The following CADPS2 variants were observed in gnomAD, a reference collection of about 807,000 sequenced individuals.
The protein encoded by CADPS2 is calcium dependent secretion activator 2, also known as calcium-dependent secretion activator 2.
In CADPS2, 93 loss-of-function variants were observed where a neutral mutation model predicts 172.5. The ratio of observed to expected loss-of-function variants is 0.54; its 90% confidence interval spans 0.46 to 0.64. CADPS2 has a LOEUF of 0.64. Ranked by LOEUF, CADPS2 falls within the 30% of genes least tolerant of loss-of-function variation. The pLI is 0.00. For synonymous variants in CADPS2, 546 were observed against 555.2 expected, an observed-to-expected ratio of 0.98 and a Z score of 0.23; for missense variants, 1,420 against 1,565.9, an observed-to-expected ratio of 0.91 and a Z score of 1.57.
intron 19 of CADPS2, among the ~76,000 whole-genome samples, chr7:122,409,373 G>C (rs952784276): frequency 5.3e-5 from 8 of 152,088 alleles, no homozygotes; most frequent in African/African-American, 1.7e-4. Flanking sequence ...GTTAGTTCAG[G>C]TTGTTTCAGG....
intron 8 of CADPS2, among the ~76,000 whole-genome samples, chr7:122,549,073 A>G (rs561651558): frequency 1.3e-5 from 2 of 152,276 alleles, no homozygotes; most frequent in South Asian, 4.1e-4. Flanking sequence ...TTTCTTTTGA[A>G]TAAAGTCAAA....
intron 6 of CADPS2, among the ~76,000 whole-genome samples, chr7:122,610,860 C>T (rs140241486): frequency 1.0e-3 from 152 of 152,222 alleles, no homozygotes; most frequent in African/African-American, 3.1e-3. Context: ...TAGTGTTCTT[C>T]CAATGGGTTT....
At chr7:122,522,364 C>A (rs1053040997) in intron 8 of CADPS2, among the ~76,000 whole-genome samples, 1 of 152,070 alleles carries the variant, frequency 6.6e-6, no homozygotes, top group African/African-American at 2.4e-5. Flanking sequence ...ATCTGCCCAC[C>A]TCAGCCTCCC....
chr7:122,480,727 A>C, intron 12 of CADPS2, 125 bp downstream of exon 12: 1 of 613,652 alleles, frequency 1.6e-6, no homozygotes, highest in Admixed American at 3.6e-5. Flanking sequence ...AGCTAACTTA[A>C]ATATTCTGGG....
At chr7:122,598,177 T>C (rs2072168604) in intron 6 of CADPS2, among the ~76,000 whole-genome samples, 1 of 152,054 alleles carries the variant, frequency 6.6e-6, no homozygotes, top group Non-Finnish European at 1.5e-5. Context: ...AAATTTTTAA[T>C]TGAAAAGAAG....
chr7:122,775,020 G>A (rs927456647), intron 1 of CADPS2, among the ~76,000 whole-genome samples: 3 of 151,858 alleles, frequency 2.0e-5, no homozygotes, highest in Admixed American at 1.3e-4. Flanking sequence ...TCAACTATGT[G>A]TGTTTTTTTT....
intron 6 of CADPS2, 27 bp downstream of exon 6, chr7:122,615,154 A>C (rs747365926): frequency 7.4e-7 from 1 of 1,359,722 alleles, no homozygotes; most frequent in Non-Finnish European, 1.0e-6. Context: ...AACAACAACA[A>C]TAATACACTT....
At chr7:122,480,148 GCTCA>G (rs779859248) in intron 12 of CADPS2, 2 of 470,294 alleles carry the variant, frequency 4.3e-6, no homozygotes, top group South Asian at 3.1e-5. Context: ...CACCCCTTCA[GCTCA>G]CTCTCTTCCC....
chr7:122,645,528 G>GTATATATATACTTATATATATAAGTA (rs2078396992), intron 3 of CADPS2, among the ~76,000 whole-genome samples: 1 of 109,562 alleles, frequency 9.1e-6, no homozygotes, highest in African/African-American at 3.7e-5. Flanking sequence ...ATATATATAA[G>GTATATATATACTTATATATATAAGTA]TATATATATA....
intron 6 of CADPS2, among the ~76,000 whole-genome samples, chr7:122,601,490 T>C (rs964530744): frequency 1.1e-4 from 16 of 152,038 alleles, no homozygotes; most frequent in African/African-American, 3.9e-4. Context: ...TTCATTTTTA[T>C]TTTTTAGCCA....
chr7:122,698,737 ACT>A, intron 2 of CADPS2: 1 of 1,613,440 alleles, frequency 6.2e-7, no homozygotes, highest in Non-Finnish European at 8.5e-7. Flanking sequence ...TCTTCCAAAG[ACT>A]CCAGTCTCTC....
intron 1 of CADPS2, among the ~76,000 whole-genome samples, chr7:122,852,523 A>T (rs1413180609): frequency 2.0e-5 from 3 of 152,192 alleles, no homozygotes; most frequent in Non-Finnish European, 4.4e-5. Context: ...AACTTTAAAT[A>T]GGGAGGCCAG....
intron 8 of CADPS2, among the ~76,000 whole-genome samples, chr7:122,518,867 G>A (rs970597904): frequency 2.0e-5 from 3 of 152,052 alleles, no homozygotes; most frequent in Admixed American, 6.6e-5. Context: ...TTTTTTTCAC[G>A]TGATTTTAAA....
At chr7:122,839,366 T>C in intron 1 of CADPS2, among the ~76,000 whole-genome samples, 1 of 152,104 alleles carries the variant, frequency 6.6e-6, no homozygotes, top group Non-Finnish European at 1.5e-5. Flanking sequence ...GACATAGGCA[T>C]GGGCAAGGAC....
chr7:122,698,240 T>C, intron 2 of CADPS2: 1 of 1,614,044 alleles, frequency 6.2e-7, no homozygotes, highest in Non-Finnish European at 8.5e-7. Flanking sequence ...AGATCTGTTG[T>C]TAATCGCTGC....
intron 8 of CADPS2, among the ~76,000 whole-genome samples, chr7:122,548,640 CAAT>C (rs1038674598): frequency 4.6e-5 from 7 of 152,102 alleles, no homozygotes; most frequent in African/African-American, 1.7e-4. Flanking sequence ...GTAAAACATA[CAAT>C]GAGCACCACC....
chr7:122,678,538 T>A (rs1164690765), intron 2 of CADPS2, among the ~76,000 whole-genome samples: 1 of 152,196 alleles, frequency 6.6e-6, no homozygotes, highest in Non-Finnish European at 1.5e-5. Context: ...GAATGTTGAC[T>A]GCTTAGAGGT....
At chr7:122,574,445 T>A (rs1294884111) in intron 7 of CADPS2, among the ~76,000 whole-genome samples, 2 of 37,976 alleles carry the variant, frequency 5.3e-5, no homozygotes, top group Admixed American at 5.6e-4. Context: ...GACCCTGTCT[T>A]AAAAAAAAAA....
intron 17 of CADPS2, chr7:122,426,358 A>AACATC (rs2049172949): frequency 6.6e-6 from 1 of 152,218 alleles, no homozygotes; most frequent in Admixed American, 6.5e-5. Context: ...CTACAGCTCT[A>AACATC]ACATCACAAA....
Sources: gnomAD v4.1 joint callset for allele counts (sites outside exome capture counted in the v4.1 genomes callset) on GRCh38, gnomAD v4.1.1 for gene constraint, MANE v1.5 for transcripts, NCBI Gene and HGNC (gene_info 2026-07-23, HGNC 2026-07-21) for gene names.